RTN4IP1: variants seen among roughly 807,000 people sequenced by gnomAD.
RTN4IP1 encodes the protein NAD(P)H oxidoreductase RTN4IP1, mitochondrial.
RTN4IP1 carries 32 observed loss-of-function variants against 46.6 expected under a neutral mutation model. That is an observed-to-expected ratio of 0.69 (90% CI 0.52 to 0.92). The LOEUF (loss-of-function observed/expected upper bound fraction) is 0.92. Among genes scored for constraint, RTN4IP1 ranks in the 40% least tolerant of loss-of-function variants. The probability of loss-of-function intolerance (pLI) is 0.00; values close to 1 mark genes in which losing one functional copy is unlikely to be tolerated. For missense variants in RTN4IP1, 424 were observed against 485.8 expected (o/e 0.87, Z 1.20); for synonymous variants, 167 against 161.8 (o/e 1.03, Z -0.24).
chr6:106,581,938 C>A (rs1234494988), intron 8 of RTN4IP1, among the ~76,000 whole-genome samples: 1 of 152,146 alleles, frequency 6.6e-6, no homozygotes, highest in African/African-American at 2.4e-5. Flanking sequence ...GAAGCACTTA[C>A]TTGATGATAC....
Position 106,587,733 on chromosome 6 carries a change from G to A in RTN4IP1, c.936C>T (p.Gly312=). The part of the protein sequence containing the change: ...TPFLLNMDRL[G]IADGMLQTGV... Reference sequence around the variant, plus strand: ...CTGTCTGCAACATGCCATCTGCTATGCCCAATCGGTCCATGTTCAGGAGGA... The same window carrying A: ...CTGTCTGCAACATGCCATCTGCTATACCCAATCGGTCCATGTTCAGGAGGA... The change falls in exon 7 of 9, where the codon GGC becomes GGT. Residue 312 remains glycine (G), a synonymous_variant. Transcript: ENST00000369063. 6.2e-7 allele frequency: 1 copy of A among 1,613,776 alleles called. No homozygotes were observed. The highest frequency in any genetic ancestry group is 8.5e-7 in the Non-Finnish European group (1 of 1,179,966).
At chr6:106,614,553 A>G (rs1419610765) in intron 4 of RTN4IP1, among the ~76,000 whole-genome samples, 3 of 152,238 alleles carry the variant, frequency 2.0e-5, no homozygotes, top group Non-Finnish European at 4.4e-5. Flanking sequence ...CTGGGAAAAC[A>G]GCACATTTAA....
At chr6:106,617,799 C>T (rs1422692148) in intron 4 of RTN4IP1, among the ~76,000 whole-genome samples, 1 of 152,112 alleles carries the variant, frequency 6.6e-6, no homozygotes, top group Admixed American at 6.5e-5. Flanking sequence ...AGCTCTCTAA[C>T]AATAGTGCAC....
In RTN4IP1 at chr6:106,575,476, T is replaced by C. The variant is rs937519157; in HGVS notation, c.1084-3373A>G. On this transcript the variant is annotated intron_variant, in intron 8 of 8. Transcript: ENST00000369063. ...CCTCTCTGGATGTGGCCTTGGAATA[T>C]TGCTGCTTACAAGACGCTAGGCAAG... Among the ~76,000 whole-genome samples the C allele has an allele frequency of 2.8e-4, 43 of 152,168 alleles. 1 individual carries two copies. The highest frequency in any genetic ancestry group is 2.6e-3 in the Admixed American group (39 of 15,274).
intron 8 of RTN4IP1, among the ~76,000 whole-genome samples, chr6:106,577,784 T>C (rs1775266017): frequency 6.6e-6 from 1 of 152,002 alleles, no homozygotes; most frequent in South Asian, 2.1e-4. Flanking sequence ...GGTCAAAGAT[T>C]AACAGAAGCA....
chr6:106,583,891 C>T (rs75268181), intron 7 of RTN4IP1, among the ~76,000 whole-genome samples: 5,262 of 152,240 alleles, frequency 0.035, 135 homozygotes, highest in Non-Finnish European at 0.061. Flanking sequence ...AGCCCAATCA[C>T]AATTTTTTTT....
chr6:106,615,215 T>C (rs931807921), intron 4 of RTN4IP1, among the ~76,000 whole-genome samples: 6 of 151,982 alleles, frequency 3.9e-5, no homozygotes, highest in Admixed American at 1.3e-4. Flanking sequence ...CAGGTGGTGG[T>C]GGGGTGAAGA....
At chr6:106,582,522 T>C (rs1775393869) in intron 8 of RTN4IP1, among the ~76,000 whole-genome samples, 1 of 152,202 alleles carries the variant, frequency 6.6e-6, no homozygotes. Flanking sequence ...AGTTGGCTTT[T>C]TCACCTGTAA....
intron 8 of RTN4IP1, among the ~76,000 whole-genome samples, chr6:106,580,809 T>C (rs1485618716): frequency 6.6e-6 from 1 of 151,812 alleles, no homozygotes; most frequent in East Asian, 1.9e-4. Context: ...TGGTTATATA[T>C]ACAATTAGGT....
intron 4 of RTN4IP1, among the ~76,000 whole-genome samples, chr6:106,616,495 A>G (rs1017254465): frequency 1.3e-5 from 2 of 152,014 alleles, no homozygotes; most frequent in African/African-American, 4.8e-5. Flanking sequence ...AACTGATTAG[A>G]AAAAAAAGAT....
At chr6:106,610,768 G>A (rs1776204132) in intron 4 of RTN4IP1, among the ~76,000 whole-genome samples, 1 of 152,008 alleles carries the variant, frequency 6.6e-6, no homozygotes, top group Non-Finnish European at 1.5e-5. Flanking sequence ...AAGTCAGAAG[G>A]GATTGTACTA....
At chr6:106,596,213 C>T (rs377599315) in intron 5 of RTN4IP1, among the ~76,000 whole-genome samples, 1 of 147,790 alleles carries the variant, frequency 6.8e-6, no homozygotes, top group African/African-American at 2.5e-5. Flanking sequence ...CTCTAAGAAG[C>T]CCTGCCTTGT....
chr6:106,583,715 A>C, intron 7 of RTN4IP1: 1 of 321,494 alleles, frequency 3.1e-6, no homozygotes. Flanking sequence ...GATCATCTAA[A>C]TGGTTTTCCA....
intron 6 of RTN4IP1, 28 bp from the exon 7 acceptor site, chr6:106,587,890 T>C: frequency 6.3e-7 from 1 of 1,588,964 alleles, no homozygotes; most frequent in East Asian, 2.3e-5. Flanking sequence ...AATCAAAACA[T>C]GGTTGTCAGG....
rs766941589 is a variant in RTN4IP1, at chr6:106,572,058, C to T, written c.1129G>A (p.Glu377Lys). Residue 377 changes from glutamate (E) to lysine (K), a missense_variant, in exon 9 of 9, where the codon GAA (glutamate) becomes AAA (lysine). Coordinates refer to ENST00000369063, the MANE Select transcript of RTN4IP1 (RefSeq NM_032730.5). ...CCTCTTTCCACCTTCAGGAAGGCTT[C>T]TGGAACTTTAGAAAAAGGAAAGGTT... ...EQTFPFSKVP[E>K]AFLKVERGHA... 3 of 1,614,072 alleles carry T rather than the reference C, an allele frequency of 1.9e-6. No homozygotes were observed. Among genetic ancestry groups the T allele is most frequent in the Non-Finnish European group, 2.5e-6 (3 of 1,179,980 alleles).
intron 5 of RTN4IP1, among the ~76,000 whole-genome samples, chr6:106,595,079 GGT>G (rs1775750746): frequency 6.6e-6 from 1 of 152,180 alleles, no homozygotes. Context: ...TGGGATTACA[GGT>G]GTGAGCCACT....
chr6:106,600,196 C>T (rs1775907490), intron 5 of RTN4IP1, among the ~76,000 whole-genome samples: 1 of 152,004 alleles, frequency 6.6e-6, no homozygotes, highest in Non-Finnish European at 1.5e-5. Context: ...ACACCCAAAC[C>T]TCCCTCCTGG....
intron 7 of RTN4IP1, 58 bp from the exon 8 acceptor site, chr6:106,583,478 G>A: frequency 7.3e-7 from 1 of 1,375,764 alleles, no homozygotes; most frequent in East Asian, 2.4e-5. Context: ...CTGACTAAAT[G>A]CAGATTTAGG....
chr6:106,586,397 CA>C (rs2114632380), intron 7 of RTN4IP1, among the ~76,000 whole-genome samples: 1 of 151,542 alleles, frequency 6.6e-6, no homozygotes, highest in East Asian at 1.9e-4. Flanking sequence ...TTTTTTGAGA[CA>C]ACGTCTTCCT....
Sources: gnomAD v4.1 joint callset for allele counts (sites outside exome capture counted in the v4.1 genomes callset) on GRCh38, gnomAD v4.1.1 for gene constraint, MANE v1.5 for transcripts, NCBI Gene and HGNC (gene_info 2026-07-23, HGNC 2026-07-21) for gene names.